Variants in PTPRT observed in about 807,000 individuals in gnomAD.
The protein encoded by PTPRT is protein tyrosine phosphatase receptor type T, also known as receptor-type tyrosine-protein phosphatase T.
In PTPRT, 56 loss-of-function variants were observed where a neutral mutation model predicts 176.8. That is an observed-to-expected ratio of 0.32 (90% CI 0.26 to 0.40). The LOEUF (loss-of-function observed/expected upper bound fraction) is 0.40, where lower values mean the gene tolerates loss of function less well. Ranked by LOEUF, PTPRT falls within the 10% of genes least tolerant of loss-of-function variation. The probability of loss-of-function intolerance (pLI) is 1.00; values close to 1 mark genes in which losing one functional copy is unlikely to be tolerated. For missense variants in PTPRT, 1,540 were observed against 1,908.2 expected (o/e 0.81, Z 3.60); for synonymous variants, 783 against 739.0 (o/e 1.06, Z -0.96).
rs191613821 is a variant in PTPRT at position 42,187,946 on chromosome 20, G to C, written c.2491+11294C>G. Among the ~76,000 whole-genome samples the C allele has an allele frequency of 1.5e-3, 223 of 152,286 alleles. 2 individuals carry two copies. The highest frequency in any genetic ancestry group is 4.2e-3 in the African/African-American group (174 of 41,566). On this transcript the variant is annotated intron_variant, in intron 16 of 30. Transcript: ENST00000373187. ...CCTAGGCAATGAGTTTCACCTCTGTGGGCCGCAGTTTCCCTATTCATGGCA... is the reference window on the plus strand; with the variant it reads ...CCTAGGCAATGAGTTTCACCTCTGTCGGCCGCAGTTTCCCTATTCATGGCA...
At chr20:42,220,543 C>CA (rs1286978806) in intron 15 of PTPRT, among the ~76,000 whole-genome samples, 8 of 144,028 alleles carry the variant, frequency 5.6e-5, no homozygotes, top group East Asian at 2.0e-4. Context: ...ACCCTCTCTA[C>CA]AAAAAAATAA....
rs202130706 is a variant in PTPRT at position 42,313,392 on chromosome 20, CAAG to C, written c.2139+2328_2139+2330del. On this transcript the variant is annotated intron_variant, in intron 12 of 30. Transcript: ENST00000373187. ...CCTGAATTCTTTCTCACACGAGATC[CAAG>C]AACCCTCTCTTGGAGTCTGGATCAG... 4.6e-3 allele frequency among the ~76,000 whole-genome samples: 701 copies of C among 151,984 alleles called. 2 individuals are homozygous for C. The highest frequency in any genetic ancestry group is 7.7e-3 in the Admixed American group (118 of 15,278).
At chr20:43,006,763 C>T (rs1984874629) in intron 1 of PTPRT, among the ~76,000 whole-genome samples, 1 of 152,218 alleles carries the variant, frequency 6.6e-6, no homozygotes, top group Non-Finnish European at 1.5e-5. Flanking sequence ...CCCTCCGCTG[C>T]TCAGCAGTGC....
intron 1 of PTPRT, among the ~76,000 whole-genome samples, chr20:43,103,781 A>C (rs2012489745): frequency 9.8e-6 from 1 of 101,988 alleles, no homozygotes; most frequent in South Asian, 2.8e-4. Context: ...ATAATAACTA[A>C]AAAGATTCCT....
intron 12 of PTPRT, among the ~76,000 whole-genome samples, chr20:42,285,303 G>T (rs2147066945): frequency 6.6e-6 from 1 of 152,068 alleles, no homozygotes; most frequent in East Asian, 1.9e-4. Flanking sequence ...GACTATAGAT[G>T]GTTAGAATGA....
intron 1 of PTPRT, among the ~76,000 whole-genome samples, chr20:43,101,751 C>T (rs995179628): frequency 6.6e-6 from 1 of 152,136 alleles, no homozygotes; most frequent in Non-Finnish European, 1.5e-5. Flanking sequence ...CAGCTGCTGG[C>T]ATGGGGCTGA....
intron 2 of PTPRT, among the ~76,000 whole-genome samples, chr20:42,859,584 TA>T (rs952235219): frequency 3.1e-5 from 4 of 130,732 alleles, no homozygotes; most frequent in Non-Finnish European, 6.3e-5. Flanking sequence ...TTTTTTTTTT[TA>T]ATTTTTTTTT....
intron 13 of PTPRT, among the ~76,000 whole-genome samples, chr20:42,263,218 T>C (rs758002144): frequency 2.0e-5 from 3 of 151,502 alleles, no homozygotes; most frequent in Non-Finnish European, 4.4e-5. Flanking sequence ...CTCTCTTTTT[T>C]CTTTTCTTTT....
chr20:42,828,541 A>G (rs1024557186), intron 2 of PTPRT, among the ~76,000 whole-genome samples: 3 of 152,172 alleles, frequency 2.0e-5, no homozygotes, highest in African/African-American at 7.2e-5. Context: ...AGACCTTCAC[A>G]GTAGCCCCTC....
intron 7 of PTPRT, among the ~76,000 whole-genome samples, chr20:42,518,562 C>T (rs1334614944): frequency 6.6e-6 from 1 of 151,998 alleles, no homozygotes. Context: ...ATATGGTAAT[C>T]AATAGTATTC....
chr20:43,142,211 C>T (rs6072998), intron 1 of PTPRT, among the ~76,000 whole-genome samples: 69,797 of 152,110 alleles, frequency 0.46, 17,244 homozygotes, highest in Non-Finnish European at 0.56. Flanking sequence ...TCATGCCCAA[C>T]GTTCTAAACG....
intron 7 of PTPRT, among the ~76,000 whole-genome samples, chr20:42,631,277 A>AT (rs139512252): frequency 6.6e-6 from 1 of 152,078 alleles, no homozygotes; most frequent in Non-Finnish European, 1.5e-5. Context: ...ATGAAAAAGC[A>AT]TTTTTTTCTA....
At chr20:43,166,420 C>T (rs2014861561) in intron 1 of PTPRT, among the ~76,000 whole-genome samples, 1 of 151,846 alleles carries the variant, frequency 6.6e-6, no homozygotes, top group Non-Finnish European at 1.5e-5. Flanking sequence ...GATTGTCTGT[C>T]CACAATTTTA....
chr20:42,864,796 A>G (rs533228330), intron 2 of PTPRT, among the ~76,000 whole-genome samples: 3 of 152,340 alleles, frequency 2.0e-5, no homozygotes, highest in Admixed American at 6.5e-5. Flanking sequence ...CAATTCAGGC[A>G]ATAACCTTTC....
chr20:42,886,704 G>A (rs1237214265), intron 1 of PTPRT, among the ~76,000 whole-genome samples: 1 of 152,200 alleles, frequency 6.6e-6, no homozygotes, highest in Non-Finnish European at 1.5e-5. Context: ...TGTTGACAAG[G>A]ATTCACTGAG....
intron 1 of PTPRT, among the ~76,000 whole-genome samples, chr20:42,949,037 A>G (rs1322561276): frequency 1.3e-5 from 2 of 152,182 alleles, no homozygotes; most frequent in Non-Finnish European, 2.9e-5. Context: ...TATCCTGCCA[A>G]CTACAACCCT....
chr20:42,188,515 T>C (rs1990869081), intron 16 of PTPRT, among the ~76,000 whole-genome samples: 1 of 151,994 alleles, frequency 6.6e-6, no homozygotes, highest in Non-Finnish European at 1.5e-5. Flanking sequence ...GAATATTAAA[T>C]GAAATGAGGC....
At chr20:42,715,957 A>G (rs1355016166) in intron 6 of PTPRT, among the ~76,000 whole-genome samples, 1 of 152,250 alleles carries the variant, frequency 6.6e-6, no homozygotes, top group Non-Finnish European at 1.5e-5. Flanking sequence ...GGAACTTTAT[A>G]CTTTTTACTC....
At chr20:42,086,057 C>T (rs1049145922) in intron 27 of PTPRT, among the ~76,000 whole-genome samples, 1 of 151,824 alleles carries the variant, frequency 6.6e-6, no homozygotes, top group Non-Finnish European at 1.5e-5. Flanking sequence ...AAGTGATTCT[C>T]CTGCCTCAGC....
Sources: gnomAD v4.1 joint callset for allele counts (sites outside exome capture counted in the v4.1 genomes callset) on GRCh38, gnomAD v4.1.1 for gene constraint, MANE v1.5 for transcripts, NCBI Gene and HGNC (gene_info 2026-07-23, HGNC 2026-07-21) for gene names.